Variants in RAD18 observed in about 807,000 individuals in gnomAD.
RAD18 encodes the protein RAD18 E3 ubiquitin protein ligase, also known as E3 ubiquitin-protein ligase RAD18.
In RAD18, 47 loss-of-function variants were observed where a neutral mutation model predicts 60.4. The observed-to-expected ratio is 0.78, with a 90% CI of 0.62 to 0.99. The LOEUF (loss-of-function observed/expected upper bound fraction) is 0.99, where lower values mean the gene tolerates loss of function less well. Among genes scored for constraint, RAD18 ranks in the 50% least tolerant of loss-of-function variants. RAD18 has a pLI of 0.00. For missense variants in RAD18, 640 were observed against 593.3 expected (o/e 1.08, Z -0.82); for synonymous variants, 225 against 195.5 (o/e 1.15, Z -1.26).
In RAD18 at chr3:8,890,375, T is replaced by C. The variant is rs763406720; in HGVS notation, c.1385+14A>G. 2 of 1,553,820 alleles carry C rather than the reference T, an allele frequency of 1.3e-6. No homozygotes were observed. The highest frequency in any genetic ancestry group is 3.3e-5 in the Admixed American group (2 of 59,786). ...GTCAAAGTGCATGCTTATTTCATGA[T>C]TATGAGAACTCACTTATGTGATGCT... On this transcript the variant is annotated intron_variant, in intron 12 of 12. Coordinates refer to ENST00000264926, the MANE Select transcript of RAD18 (RefSeq NM_020165.4).
chr3:8,935,954 C>A lies in RAD18; in HGVS notation c.806G>T (p.Gly269Val), dbSNP rs868250143. ...KLKEHGLSIQ[G>V]NKQQLIKRHQ... is the part of the protein sequence containing the mutation. Reference sequence around the variant, plus strand: ...CCTTTTAATGAGCTGTTGTTTATTTCCTTGAATAGATAATCCATGCTCTTT... The same window carrying A: ...CCTTTTAATGAGCTGTTGTTTATTTACTTGAATAGATAATCCATGCTCTTT... The change falls in exon 7 of 13, where the codon GGA (glycine) becomes GTA (valine). Residue 269 changes from glycine (G) to valine (V), a missense_variant. Coordinates refer to ENST00000264926, the MANE Select transcript of RAD18 (RefSeq NM_020165.4). 1 of 1,610,976 alleles carries A rather than the reference C, an allele frequency of 6.2e-7. No individual in the cohort carries two copies.
intron 10 of RAD18, among the ~76,000 whole-genome samples, chr3:8,899,302 A>C (rs561942706): frequency 7.8e-4 from 119 of 152,220 alleles, no homozygotes; most frequent in Non-Finnish European, 1.2e-3. Context: ...AAGCAGGAAG[A>C]ATCTTGTAAT....
chr3:8,903,271 T>G (rs777982995), intron 9 of RAD18, among the ~76,000 whole-genome samples: 1 of 152,180 alleles, frequency 6.6e-6, no homozygotes, highest in Non-Finnish European at 1.5e-5. Context: ...TACATAATCA[T>G]AAGAGCATGA....
chr3:8,940,030 G>A (rs186984567), intron 5 of RAD18, among the ~76,000 whole-genome samples: 12 of 152,352 alleles, frequency 7.9e-5, no homozygotes, highest in Admixed American at 7.8e-4. Flanking sequence ...AGAAGCAATA[G>A]TAACGACTTA....
At chr3:8,960,506 G>A (rs1211428196) in intron 1 of RAD18, among the ~76,000 whole-genome samples, 2 of 152,054 alleles carry the variant, frequency 1.3e-5, no homozygotes, top group African/African-American at 2.4e-5. Flanking sequence ...GACTAATGTC[G>A]CTAATGGTCC....
chr3:8,916,122 T>C (rs1243024190), intron 7 of RAD18, among the ~76,000 whole-genome samples: 1 of 152,124 alleles, frequency 6.6e-6, no homozygotes, highest in Admixed American at 6.5e-5. Context: ...AGAGCATCGG[T>C]TGCTGAGGGA....
chr3:8,917,401 C>G (rs1042951989), intron 7 of RAD18, among the ~76,000 whole-genome samples: 1 of 152,028 alleles, frequency 6.6e-6, no homozygotes, highest in African/African-American at 2.4e-5. Context: ...ATAAAATATA[C>G]TTTTTTCTCG....
chr3:8,930,076 G>C (rs1374479304), intron 7 of RAD18, among the ~76,000 whole-genome samples: 2 of 152,102 alleles, frequency 1.3e-5, no homozygotes, highest in Non-Finnish European at 2.9e-5. Flanking sequence ...CTTAGGTAAA[G>C]ACACAATAGA....
chr3:8,957,397 T>TG (rs1481538181), intron 2 of RAD18, among the ~76,000 whole-genome samples: 2 of 152,304 alleles, frequency 1.3e-5, no homozygotes, highest in Admixed American at 1.3e-4. Flanking sequence ...TTGGAGGACT[T>TG]ACAATGCCTG....
intron 12 of RAD18, among the ~76,000 whole-genome samples, chr3:8,883,533 G>GTCTT (rs373399188): frequency 2.6e-5 from 4 of 152,156 alleles, no homozygotes; most frequent in African/African-American, 9.7e-5. Flanking sequence ...AGCAAAACCA[G>GTCTT]TCTTTGCTGG....
At chr3:8,884,141 C>T (rs1939518465) in intron 12 of RAD18, among the ~76,000 whole-genome samples, 1 of 152,222 alleles carries the variant, frequency 6.6e-6, no homozygotes, top group Admixed American at 6.5e-5. Context: ...CTGGTCCTCA[C>T]CATGACTGCA....
At chr3:8,929,181 G>A (rs1940502726) in intron 7 of RAD18, among the ~76,000 whole-genome samples, 1 of 151,730 alleles carries the variant, frequency 6.6e-6, no homozygotes, top group African/African-American at 2.4e-5. Context: ...GCTAAAAAAA[G>A]AAGAGCAAAT....
At chr3:8,937,404 C>G (rs1227740089) in intron 6 of RAD18, among the ~76,000 whole-genome samples, 1 of 152,036 alleles carries the variant, frequency 6.6e-6, no homozygotes, top group Non-Finnish European at 1.5e-5. Context: ...AATGTTTCCC[C>G]AAACACGAAA....
rs541551793 is a variant in RAD18 at position 8,955,155 on chromosome 3, C to G, written c.133+3765G>C. Among the ~76,000 whole-genome samples, 8 of 152,226 alleles carry G rather than the reference C, an allele frequency of 5.3e-5. No individual in the cohort carries two copies. In the East Asian group the frequency reaches 1.4e-3, roughly 26 times the overall value. On this transcript the variant is annotated intron_variant, in intron 2 of 12. Coordinates refer to ENST00000264926, the MANE Select transcript of RAD18 (RefSeq NM_020165.4). ...TGAGCTGCCTGAATCTATACACTGACAGAAAAGGGAACCAGGTTGAGGGCC... is the reference window on the plus strand; with the variant it reads ...TGAGCTGCCTGAATCTATACACTGAGAGAAAAGGGAACCAGGTTGAGGGCC...
chr3:8,909,602 C>T (rs1236395903), intron 9 of RAD18, among the ~76,000 whole-genome samples: 3 of 151,870 alleles, frequency 2.0e-5, no homozygotes, highest in Admixed American at 6.6e-5. Flanking sequence ...TAGAAAACAG[C>T]GGAAGAATAC....
chr3:8,932,517 G>A (rs1287840659), intron 7 of RAD18, among the ~76,000 whole-genome samples: 1 of 152,152 alleles, frequency 6.6e-6, no homozygotes, highest in African/African-American at 2.4e-5. Flanking sequence ...AATACCAAGT[G>A]TTAGCAAGGG....
intron 7 of RAD18, among the ~76,000 whole-genome samples, chr3:8,919,227 T>A (rs1032472757): frequency 5.9e-5 from 9 of 152,122 alleles, no homozygotes; most frequent in African/African-American, 1.7e-4. Context: ...TAGGCCAGGA[T>A]CTGCATGCTA....
In RAD18 at chr3:8,941,740, T is replaced by C; in HGVS notation, c.331A>G (p.Asn111Asp). 1 of 1,614,138 alleles carries C rather than the reference T, an allele frequency of 6.2e-7. No individual in the cohort carries two copies. Among genetic ancestry groups the C allele is most frequent in the African/African-American group, 1.3e-5 (1 of 75,046 alleles). The change falls in exon 5 of 13, where the codon AAT becomes GAT. Residue 111 changes from asparagine (N) to aspartate (D), a missense_variant. Transcript: ENST00000264926. ...GGAGTATATACTTTGACAGCAAGAT[T>C]CTTTGAAGAGGAAGAAGCAGGAGAT... is the stretch of plus-strand genomic sequence containing the variant. ...AKSPASSSSKNLAVKVYTPVA... is the reference protein window; with the variant it reads ...AKSPASSSSKDLAVKVYTPVA...
At chr3:8,963,304 C>A in intron 1 of RAD18, 31 bp downstream of exon 1, 1 of 1,590,166 alleles carries the variant, frequency 6.3e-7, no homozygotes, top group Non-Finnish European at 8.6e-7. Context: ...CGCAGACACC[C>A]GGGAGCTCCC....
Sources: allele counts gnomAD v4.1 joint callset (sites outside exome capture counted in the v4.1 genomes callset), GRCh38; gene constraint gnomAD v4.1.1; transcripts MANE v1.5; gene names NCBI Gene and HGNC (gene_info 2026-07-23, HGNC 2026-07-21).